DCHS2: variants seen among roughly 807,000 people sequenced by gnomAD.
DCHS2 encodes the protein dachsous cadherin-related 2, also known as protocadherin-23.
DCHS2 carries 142 observed loss-of-function variants against 182.4 expected under a neutral mutation model. That is an observed-to-expected ratio of 0.78 (90% confidence interval 0.68 to 0.89). The LOEUF (loss-of-function observed/expected upper bound fraction) is 0.89. DCHS2 is among the 40% of genes least tolerant of loss of function. The pLI, the probability that DCHS2 is intolerant of heterozygous loss-of-function variation, is 0.00. For missense variants in DCHS2, 4,319 were observed against 4,198.6 expected, an observed-to-expected ratio of 1.03 and a Z score of -0.79; for synonymous variants, 1,740 against 1,663.3, an observed-to-expected ratio of 1.05 and a Z score of -1.12.
intron 1 of DCHS2, among the ~76,000 whole-genome samples, chr4:154,459,527 G>A (rs1259183536): frequency 6.6e-6 from 1 of 152,144 alleles, no homozygotes; most frequent in Non-Finnish European, 1.5e-5. Context: ...AGTCCTCCCT[G>A]TCTGATATCA....
intron 13 of DCHS2, among the ~76,000 whole-genome samples, chr4:154,282,276 C>T (rs112112982): frequency 0.013 from 1,951 of 152,070 alleles, 45 homozygotes; most frequent in African/African-American, 0.045. Flanking sequence ...TTGCAAGCCA[C>T]ATATCTGATG....
rs1428922071 is a variant in DCHS2 at position 154,233,274 on chromosome 4, AG to A, written c.*1261del. The A allele has an allele frequency of 6.6e-6, 1 of 152,162 alleles. No homozygotes were observed. Among genetic ancestry groups the A allele is most frequent in the East Asian group, 1.9e-4 (1 of 5,194 alleles). The allele number at this position is 152,162 out of a possible 1,614,324, so 9.4% of individuals were successfully genotyped here. On this transcript the variant is annotated 3_prime_UTR_variant, in exon 20 of 20. Coordinates refer to ENST00000357232, the MANE Select transcript of DCHS2 (RefSeq NM_001358235.2). ...TTCCTGAAAGGGATGAGAATCTGTG[AG>A]GGATTCCCAGGCTTATCAGAAAGAA... is the stretch of plus-strand genomic sequence containing the variant.
intron 1 of DCHS2, among the ~76,000 whole-genome samples, chr4:154,484,449 T>A (rs1449725739): frequency 2.6e-5 from 4 of 152,090 alleles, no homozygotes; most frequent in Non-Finnish European, 5.9e-5. Flanking sequence ...CACTGATATC[T>A]CCCATGTCTC....
chr4:154,397,738 C>T (rs934739060), intron 1 of DCHS2, among the ~76,000 whole-genome samples: 2 of 152,300 alleles, frequency 1.3e-5, no homozygotes, highest in Non-Finnish European at 2.9e-5. Context: ...TAAAAAATGG[C>T]ACTTCCTGAG....
At chr4:154,317,891 G>A (rs562797740) in intron 9 of DCHS2, among the ~76,000 whole-genome samples, 3 of 152,240 alleles carry the variant, frequency 2.0e-5, no homozygotes, top group East Asian at 1.9e-4. Flanking sequence ...GTGAAAAGCA[G>A]GGGTCTTAAT....
In DCHS2 at chr4:154,236,831, T is replaced by C. The variant is rs760678980; in HGVS notation, c.7821A>G (p.Ser2607=). The change falls in exon 20 of 20, where the codon TCA becomes TCG. Residue 2607 remains serine (S), a synonymous_variant. Coordinates refer to ENST00000357232, the MANE Select transcript of DCHS2 (RefSeq NM_001358235.2). ...AACCGACTTGCTTATAAGGATATTC[T>C]GAATGAAAGAACTTAGTTTCCACAT... is the stretch of plus-strand genomic sequence containing the variant. The part of the protein sequence containing the change: ...NFHVETKFFH[S]EYPYKQVGYL... The C allele has an allele frequency of 8.1e-6, 13 of 1,613,988 alleles. No individual in the cohort carries two copies. The Admixed American group carries it at 1.8e-4, about 23-fold the overall frequency.
At position 154,333,141 on chromosome 4, in the gene DCHS2, G is replaced by A; in HGVS notation, c.3067C>T (p.Pro1023Ser). ...LIRYSIASPQ[P>S]GVFAIDRALG... Reference sequence around the variant, plus strand: ...GCTCTGTCGATGGCAAAGACGCCTGGCTGCGGGCTGGCGATGGAGTACCGG... The same window carrying A: ...GCTCTGTCGATGGCAAAGACGCCTGACTGCGGGCTGGCGATGGAGTACCGG... The change falls in exon 5 of 20, where the codon CCA becomes TCA. Residue 1023 changes from proline to serine, a missense_variant. Transcript: ENST00000357232. 4.3e-6 allele frequency: 7 copies of A among 1,614,170 alleles called. No individual in the cohort carries two copies. The highest frequency in any genetic ancestry group is 5.1e-6 in the Non-Finnish European group (6 of 1,180,032).
intron 1 of DCHS2, among the ~76,000 whole-genome samples, chr4:154,474,813 T>A (rs939814621): frequency 6.6e-6 from 1 of 152,158 alleles, no homozygotes; most frequent in Non-Finnish European, 1.5e-5. Context: ...ATGAAACAAG[T>A]TAATTAATCC....
intron 14 of DCHS2, among the ~76,000 whole-genome samples, chr4:154,262,556 A>G (rs1354043561): frequency 6.6e-6 from 1 of 152,222 alleles, no homozygotes; most frequent in Admixed American, 6.5e-5. Flanking sequence ...AAAAAATGGT[A>G]GTAACATTTT....
intron 3 of DCHS2, chr4:154,354,666 C>A (rs1281519117): frequency 6.6e-6 from 1 of 152,326 alleles, no homozygotes; most frequent in African/African-American, 2.4e-5. Context: ...CCATATCACA[C>A]TGATGCTAAA....
At chr4:154,439,649 G>A (rs566251524) in intron 1 of DCHS2, among the ~76,000 whole-genome samples, 1 of 152,058 alleles carries the variant, frequency 6.6e-6, no homozygotes, top group East Asian at 1.9e-4. Flanking sequence ...ATTCCATACT[G>A]TCATTTTCTT....
intron 3 of DCHS2, among the ~76,000 whole-genome samples, chr4:154,355,001 C>T (rs995017362): frequency 2.0e-5 from 3 of 152,054 alleles, no homozygotes; most frequent in African/African-American, 7.2e-5. Flanking sequence ...AATTAAAATT[C>T]CTAGTTATTA....
At chr4:154,332,336 A>T in intron 5 of DCHS2, 142 bp downstream of exon 5, 1 of 617,586 alleles carries the variant, frequency 1.6e-6, no homozygotes, top group Non-Finnish European at 2.7e-6. Context: ...AATTGCATGT[A>T]TGCACTAATG....
chr4:154,345,540 A>G (rs1729318277), intron 3 of DCHS2, among the ~76,000 whole-genome samples: 1 of 152,250 alleles, frequency 6.6e-6, no homozygotes, highest in Non-Finnish European at 1.5e-5. Flanking sequence ...TGGGCAGACA[A>G]AAACTACAAG....
intron 13 of DCHS2, among the ~76,000 whole-genome samples, chr4:154,280,571 A>G (rs1734083400): frequency 6.6e-6 from 1 of 152,182 alleles, no homozygotes; most frequent in South Asian, 2.1e-4. Flanking sequence ...TGTTCAACAT[A>G]CAAAAACAAA....
At chr4:154,263,081 T>G (rs1219427587) in intron 14 of DCHS2, among the ~76,000 whole-genome samples, 1 of 152,032 alleles carries the variant, frequency 6.6e-6, no homozygotes, top group Non-Finnish European at 1.5e-5. Flanking sequence ...AATAAAATGG[T>G]TTTCTCACAC....
intron 1 of DCHS2, among the ~76,000 whole-genome samples, chr4:154,398,446 A>G (rs1430509944): frequency 6.6e-6 from 1 of 152,106 alleles, no homozygotes; most frequent in Non-Finnish European, 1.5e-5. Flanking sequence ...TTTCCTTCCA[A>G]CTTCCCTGTC....
chr4:154,476,977 G>A (rs533302172), intron 1 of DCHS2, among the ~76,000 whole-genome samples: 75 of 152,162 alleles, frequency 4.9e-4, no homozygotes, highest in African/African-American at 1.7e-3. Flanking sequence ...AGCTGGGGAA[G>A]GGGAGACTCA....
intron 14 of DCHS2, among the ~76,000 whole-genome samples, chr4:154,263,277 T>A (rs1031794587): frequency 6.6e-6 from 1 of 152,080 alleles, no homozygotes; most frequent in Admixed American, 6.5e-5. Flanking sequence ...ATAATTAAAG[T>A]TTTAAAAAAG....
Sources: allele counts gnomAD v4.1 joint callset (sites outside exome capture counted in the v4.1 genomes callset), GRCh38; gene constraint gnomAD v4.1.1; transcripts MANE v1.5; gene names NCBI Gene and HGNC (gene_info 2026-07-23, HGNC 2026-07-21).